The following CPS1 variants were observed in gnomAD, a reference collection of about 807,000 sequenced individuals.
The protein encoded by CPS1 is carbamoyl-phosphate synthase 1.
In CPS1, 109 loss-of-function variants were observed where a neutral mutation model predicts 174.6. The observed-to-expected ratio is 0.62, with a 90% CI of 0.53 to 0.73. The LOEUF is 0.73. Ranked by LOEUF, CPS1 falls within the 30% of genes least tolerant of loss-of-function variation. The probability of loss-of-function intolerance (pLI) is 0.00; values close to 1 mark genes in which losing one functional copy is unlikely to be tolerated. For missense variants in CPS1, 1,689 were observed against 1,821.9 expected, an observed-to-expected ratio of 0.93 and a Z score of 1.33; for synonymous variants, 637 against 632.0, an observed-to-expected ratio of 1.01 and a Z score of -0.12.
At position 210,556,687 on chromosome 2, in the gene CPS1, C is replaced by T. The variant is rs1325566359; in HGVS notation, c.-47C>T. ...ACTAAAAAGTCTTATCACACAATCTCATAAAATTTATGTAATTTCATTTAA... is the reference window on the plus strand; with the variant it reads ...ACTAAAAAGTCTTATCACACAATCTTATAAAATTTATGTAATTTCATTTAA... On this transcript the variant is annotated 5_prime_UTR_variant, in exon 1 of 38. Coordinates refer to ENST00000233072, the MANE Select transcript of CPS1 (RefSeq NM_001875.5). 2 of 1,609,222 alleles carry T rather than the reference C, an allele frequency of 1.2e-6. No individual in the cohort carries two copies. Among genetic ancestry groups the T allele is most frequent in the East Asian group, 2.2e-5 (1 of 44,786 alleles).
At chr2:210,530,619 G>A (rs1309574351) in intron 1 of CPS1, among the ~76,000 whole-genome samples, 1 of 152,062 alleles carries the variant, frequency 6.6e-6, no homozygotes, top group Non-Finnish European at 1.5e-5. Context: ...CTGAGGCTGA[G>A]GAGGTTATTC....
intron 26 of CPS1, 75 bp from the exon 27 acceptor site, chr2:210,648,398 C>G (rs1021850289): frequency 7.9e-6 from 10 of 1,265,718 alleles, no homozygotes; most frequent in Non-Finnish European, 9.2e-6. Context: ...ACCACTCGAG[C>G]TAATGATACA....
intron 6 of CPS1, among the ~76,000 whole-genome samples, chr2:210,585,545 A>T (rs1318599918): frequency 6.6e-6 from 1 of 151,974 alleles, no homozygotes; most frequent in East Asian, 1.9e-4. Context: ...ACTAGGGTGT[A>T]GAGAGATTAA....
At chr2:210,591,015 T>C (rs1294391396) in intron 9 of CPS1, 109 bp downstream of exon 9, 1 of 531,686 alleles carries the variant, frequency 1.9e-6, no homozygotes, top group Non-Finnish European at 3.4e-6. Flanking sequence ...TAAATGCACA[T>C]GTACCCTAAA....
intron 1 of CPS1, among the ~76,000 whole-genome samples, chr2:210,487,474 G>A (rs1206321056): frequency 1.3e-5 from 2 of 152,190 alleles, no homozygotes; most frequent in Non-Finnish European, 2.9e-5. Context: ...TTGTGGGTTG[G>A]AACACACAGT....
chr2:210,533,224 T>C (rs1427137125), intron 1 of CPS1, among the ~76,000 whole-genome samples: 2 of 152,050 alleles, frequency 1.3e-5, no homozygotes, highest in Non-Finnish European at 2.9e-5. Flanking sequence ...TGGTCTCTGG[T>C]TTTCTGAAGG....
intron 21 of CPS1, chr2:210,618,389 T>C (rs1208021320): frequency 6.6e-6 from 1 of 152,092 alleles, no homozygotes; most frequent in Non-Finnish European, 1.5e-5. Context: ...ACTGTATAAA[T>C]TTGTTTTTGA....
Position 210,564,772 on chromosome 2 carries a change from C to T in CPS1, c.126+7913C>T, listed in dbSNP as rs868821191. 3.1e-4 allele frequency among the ~76,000 whole-genome samples: 47 copies of T among 152,012 alleles called. 1 individual carries two copies. The Middle Eastern group carries it at 0.01, about 33-fold the overall frequency. On this transcript the variant is annotated intron_variant, in intron 1 of 37. Coordinates refer to ENST00000233072, the MANE Select transcript of CPS1 (RefSeq NM_001875.5). ...CTTTGGAAAGCCAAAGCAGGCAGAT[C>T]TCTTGAGGTCAGGAGTTTGAGACCA...
At chr2:210,489,181 G>A (rs926232392) in intron 1 of CPS1, among the ~76,000 whole-genome samples, 12 of 152,242 alleles carry the variant, frequency 7.9e-5, no homozygotes, top group Admixed American at 2.6e-4. Context: ...AGGAAATCTC[G>A]AGTTTAATTT....
At chr2:210,501,435 C>T (rs6752530) in intron 1 of CPS1, among the ~76,000 whole-genome samples, 126,508 of 152,066 alleles carry the variant, frequency 0.83, 53,535 homozygotes, top group Middle Eastern at 0.91. Context: ...CAATCCCAAA[C>T]CATATCTTTG....
chr2:210,626,451 G>T (rs114572102), intron 21 of CPS1, among the ~76,000 whole-genome samples: 1,848 of 152,170 alleles, frequency 0.012, 37 homozygotes, highest in African/African-American at 0.042. Flanking sequence ...CATAGCCCAA[G>T]ATATAAACTG....
At chr2:210,553,972 A>G (rs944916713), upstream of CPS1, among the ~76,000 whole-genome samples, 23 of 151,426 alleles carry the variant, frequency 1.5e-4, no homozygotes, top group Admixed American at 1.5e-3. Flanking sequence ...TGGATTTTCC[A>G]AGTCTCTAAT....
chr2:210,495,737 A>C (rs7571893), intron 1 of CPS1, among the ~76,000 whole-genome samples: 6,125 of 152,284 alleles, frequency 0.04, 372 homozygotes, highest in African/African-American at 0.13. Flanking sequence ...AAAGTTTTGG[A>C]AAAGAGTATA....
intron 21 of CPS1, 57 bp from the exon 22 acceptor site, chr2:210,637,640 TTGTCA>T: frequency 6.4e-7 from 1 of 1,571,602 alleles, no homozygotes. Flanking sequence ...GAAATTGAAC[TTGTCA>T]CCGCTTTTTA....
chr2:210,651,492 T>C (rs970547662), intron 28 of CPS1, among the ~76,000 whole-genome samples: 2 of 152,202 alleles, frequency 1.3e-5, no homozygotes, highest in African/African-American at 4.8e-5. Flanking sequence ...ACCAACTGTC[T>C]TCTCTATTTT....
intron 21 of CPS1, among the ~76,000 whole-genome samples, 172 bp downstream of exon 21, chr2:210,616,713 A>G (rs79847672): frequency 6.7e-6 from 1 of 149,470 alleles, no homozygotes; most frequent in East Asian, 2.0e-4. Flanking sequence ...TTTTTTTTTT[A>G]GATGTTTACC....
At chr2:210,571,466 A>G (rs1442066319) in intron 1 of CPS1, among the ~76,000 whole-genome samples, 2 of 151,962 alleles carry the variant, frequency 1.3e-5, no homozygotes, top group African/African-American at 4.8e-5. Flanking sequence ...CTCTGATTTA[A>G]AAAAACTAAT....
At chr2:210,593,039 C>T in intron 11 of CPS1, 83 bp downstream of exon 11, 2 of 1,175,692 alleles carry the variant, frequency 1.7e-6, no homozygotes, top group Admixed American at 3.4e-5. Flanking sequence ...AATAATCACC[C>T]CAGATGATCT....
Position 210,639,220 on chromosome 2 carries a change from G to T in CPS1, c.2895+5G>T, listed in dbSNP as rs1304725940. 1 of 1,608,206 alleles carries T rather than the reference G, an allele frequency of 6.2e-7. No homozygotes were observed. The highest frequency in any genetic ancestry group is 8.5e-7 in the Non-Finnish European group (1 of 1,174,938). On this transcript the variant is annotated splice_donor_5th_base_variant and intron_variant, in intron 23 of 37. Coordinates refer to ENST00000233072, the MANE Select transcript of CPS1 (RefSeq NM_001875.5). ...TATGTTACCTACAATGGTCAGGTAG[G>T]AATGGGCAAATTGGCCTATCCAGAA...
Sources: gnomAD v4.1 joint callset for allele counts (sites outside exome capture counted in the v4.1 genomes callset) on GRCh38, gnomAD v4.1.1 for gene constraint, MANE v1.5 for transcripts, NCBI Gene and HGNC (gene_info 2026-07-23, HGNC 2026-07-21) for gene names.